ADAMTS6: variants seen among roughly 807,000 people sequenced by gnomAD.
ADAMTS6 encodes ADAM metallopeptidase with thrombospondin type 1 motif 6.
A neutral mutation model predicts 144.3 loss-of-function variants in ADAMTS6; 23 were observed. The ratio of observed to expected loss-of-function variants is 0.16; its 90% CI spans 0.11 to 0.23. ADAMTS6 has a LOEUF of 0.23. ADAMTS6 is among the 10% of genes least tolerant of loss of function. ADAMTS6 has a pLI of 1.00. For missense variants in ADAMTS6, 999 were observed against 1,379.6 expected (o/e 0.72, Z 4.37); for synonymous variants, 444 against 457.5 (o/e 0.97, Z 0.38).
At chr5:65,372,765 C>T (rs1751091701) in intron 7 of ADAMTS6, among the ~76,000 whole-genome samples, 1 of 151,762 alleles carries the variant, frequency 6.6e-6, no homozygotes, top group African/African-American at 2.4e-5. Flanking sequence ...ACCTAATAGA[C>T]ATCTACAGAA....
intron 24 of ADAMTS6, among the ~76,000 whole-genome samples, chr5:65,163,684 A>G (rs1752929477): frequency 6.6e-6 from 1 of 152,220 alleles, no homozygotes; most frequent in Non-Finnish European, 1.5e-5. Flanking sequence ...AAATTATTTG[A>G]CTATATATTA....
At chr5:65,420,984 AAAG>A in intron 7 of ADAMTS6, among the ~76,000 whole-genome samples, 1 of 152,336 alleles carries the variant, frequency 6.6e-6, no homozygotes, top group South Asian at 2.1e-4. Context: ...TCTCTTGAAA[AAAG>A]CAGATGTTTG....
intron 1 of ADAMTS6, 70 bp from the exon 2 acceptor site, chr5:65,474,022 T>C: frequency 2.5e-6 from 1 of 401,704 alleles, no homozygotes. Context: ...TATATAGTAC[T>C]GAATCCTTGC....
intron 18 of ADAMTS6, among the ~76,000 whole-genome samples, chr5:65,223,699 T>C (rs1380040075): frequency 6.6e-6 from 1 of 152,216 alleles, no homozygotes; most frequent in Non-Finnish European, 1.5e-5. Context: ...AGTTTTTTAA[T>C]CCATTCATCT....
At chr5:65,243,086 A>G (rs147720802) in intron 14 of ADAMTS6, among the ~76,000 whole-genome samples, 2 of 152,232 alleles carry the variant, frequency 1.3e-5, no homozygotes, top group African/African-American at 4.8e-5. Flanking sequence ...AATTTGACTT[A>G]TCTTGTGAAG....
chr5:65,316,023 T>C (rs1744961999), intron 9 of ADAMTS6, among the ~76,000 whole-genome samples: 1 of 152,204 alleles, frequency 6.6e-6, no homozygotes, highest in Admixed American at 6.5e-5. Context: ...GCAATTCTCT[T>C]GCCTCAGCCT....
intron 7 of ADAMTS6, among the ~76,000 whole-genome samples, chr5:65,361,802 C>T (rs1046703658): frequency 3.9e-5 from 6 of 151,910 alleles, no homozygotes; most frequent in South Asian, 2.1e-4. Context: ...TGCATGATCA[C>T]GGCTCACTGC....
intron 12 of ADAMTS6, among the ~76,000 whole-genome samples, chr5:65,263,489 A>G (rs752736488): frequency 6.6e-6 from 1 of 151,734 alleles, no homozygotes; most frequent in Non-Finnish European, 1.5e-5. Context: ...CTACATGAGC[A>G]CTGCAGACAT....
intron 9 of ADAMTS6, among the ~76,000 whole-genome samples, chr5:65,309,804 T>C (rs745751919): frequency 3.3e-5 from 5 of 151,960 alleles, no homozygotes; most frequent in Admixed American, 2.0e-4. Flanking sequence ...CTGAAAAAAT[T>C]TGCTCTAAAA....
chr5:65,407,003 G>A (rs1414192083), intron 7 of ADAMTS6, among the ~76,000 whole-genome samples: 4 of 152,096 alleles, frequency 2.6e-5, no homozygotes, highest in Non-Finnish European at 4.4e-5. Flanking sequence ...CCAAATCTAC[G>A]TCTGCTTGGT....
chr5:65,240,579 G>C (rs1045734349), intron 15 of ADAMTS6, among the ~76,000 whole-genome samples: 1 of 152,070 alleles, frequency 6.6e-6, no homozygotes, highest in South Asian at 2.1e-4. Context: ...CCTCCGAATG[G>C]GAATAGTAGC....
intron 7 of ADAMTS6, among the ~76,000 whole-genome samples, chr5:65,386,692 A>C (rs1489839210): frequency 6.6e-6 from 1 of 152,088 alleles, no homozygotes; most frequent in Non-Finnish European, 1.5e-5. Context: ...CGTCCAAGCA[A>C]TTCTCCTGCC....
chr5:65,286,800 C>T (rs1277954853), intron 11 of ADAMTS6, among the ~76,000 whole-genome samples: 1 of 152,224 alleles, frequency 6.6e-6, no homozygotes, highest in Non-Finnish European at 1.5e-5. Context: ...AGATTACCCA[C>T]AGCCCCTACA....
intron 1 of ADAMTS6, among the ~76,000 whole-genome samples, chr5:65,479,963 C>G (rs1205641071): frequency 6.6e-6 from 1 of 152,182 alleles, no homozygotes; most frequent in Admixed American, 6.5e-5. Context: ...ATTCAAAACA[C>G]TAACGATCAC....
At chr5:65,329,904 T>C (rs1371181256) in intron 8 of ADAMTS6, among the ~76,000 whole-genome samples, 9 of 152,184 alleles carry the variant, frequency 5.9e-5, no homozygotes, top group African/African-American at 2.2e-4. Context: ...AGCAACTTTC[T>C]AGTTACCAAA....
At chr5:65,190,815 C>T (rs1275834082) in intron 21 of ADAMTS6, among the ~76,000 whole-genome samples, 1 of 152,110 alleles carries the variant, frequency 6.6e-6, no homozygotes, top group Non-Finnish European at 1.5e-5. Flanking sequence ...GTCCCTGTTG[C>T]ATCTTTATTG....
At chr5:65,473,985 A>T in intron 1 of ADAMTS6, 33 bp from the exon 2 acceptor site, 1 of 449,350 alleles carries the variant, frequency 2.2e-6, no homozygotes, top group Non-Finnish European at 3.9e-6. Flanking sequence ...TAACTGAAAA[A>T]TATCCAGAAT....
chr5:65,193,744 A>C (rs1003504000), intron 21 of ADAMTS6, among the ~76,000 whole-genome samples: 2 of 152,152 alleles, frequency 1.3e-5, no homozygotes, highest in Admixed American at 1.3e-4. Context: ...AGCATATATA[A>C]TTATAAAGAA....
At chr5:65,346,132 T>G (rs968151613) in intron 7 of ADAMTS6, among the ~76,000 whole-genome samples, 7 of 151,912 alleles carry the variant, frequency 4.6e-5, no homozygotes, top group Non-Finnish European at 1.0e-4. Context: ...ACTTCCAAAT[T>G]CATTTTATGA....
Sources: allele counts gnomAD v4.1 joint callset (sites outside exome capture counted in the v4.1 genomes callset), GRCh38; gene constraint gnomAD v4.1.1; transcripts MANE v1.5; gene names NCBI Gene and HGNC (gene_info 2026-07-23, HGNC 2026-07-21).